Variants in MPHOSPH8 observed in about 807,000 individuals in gnomAD.
MPHOSPH8 encodes the protein M-phase phosphoprotein 8, also known as M-phase phosphoprotein, mpp.
MPHOSPH8 carries 45 observed loss-of-function variants against 87.3 expected under a neutral mutation model. The observed-to-expected ratio is 0.52, with a 90% CI of 0.41 to 0.66. MPHOSPH8 has a LOEUF of 0.66. Ranked by LOEUF, MPHOSPH8 falls within the 30% of genes least tolerant of loss-of-function variation. The pLI, the probability that MPHOSPH8 is intolerant of heterozygous loss-of-function variation, is 0.00. For synonymous variants in MPHOSPH8, 366 were observed against 376.9 expected, an observed-to-expected ratio of 0.97 and a Z score of 0.33; for missense variants, 883 against 1,020.2, an observed-to-expected ratio of 0.87 and a Z score of 1.83.
intron 11 of MPHOSPH8, 105 bp downstream of exon 11, chr13:19,668,636 A>T: frequency 8.0e-7 from 1 of 1,248,086 alleles, no homozygotes. Flanking sequence ...AGGAAATTCC[A>T]TTACGTGTAA....
At position 19,672,178 on chromosome 13, in the gene MPHOSPH8, C is replaced by G. The variant is rs529630636; in HGVS notation, c.*303C>G. The G allele has an allele frequency of 1.7e-5, 5 of 288,388 alleles. No homozygotes were observed. The highest frequency in any genetic ancestry group is 1.3e-4 in the Admixed American group (3 of 22,318). The allele number at this position is 288,388 out of a possible 1,614,324, so 17.9% of individuals were successfully genotyped here. A position where few individuals can be genotyped will look rare whatever the true frequency, so the allele number is the denominator to read the frequency against. On this transcript the variant is annotated 3_prime_UTR_variant, in exon 14 of 14. Coordinates refer to ENST00000361479, the MANE Select transcript of MPHOSPH8 (RefSeq NM_017520.4). ...TTTTTTCTGGAGACGGAGTTTCGCT[C>G]TTGTTGCCCAGGCTGGAGTGCAATG...
chr13:19,659,313 A>T (rs767167346), intron 7 of MPHOSPH8, 24 bp downstream of exon 7: 2 of 1,511,970 alleles, frequency 1.3e-6, no homozygotes, highest in East Asian at 4.5e-5. Context: ...GAAAAATCTC[A>T]TGAAAGGAAA....
At chr13:19,635,844 T>A (rs4769031) in intron 1 of MPHOSPH8, among the ~76,000 whole-genome samples, 3 of 152,162 alleles carry the variant, frequency 2.0e-5, no homozygotes, top group African/African-American at 7.2e-5. Context: ...ATAATTCCCA[T>A]GTGTCAAGGG....
chr13:19,658,239 A>G (rs1472819715), intron 5 of MPHOSPH8, among the ~76,000 whole-genome samples: 1 of 152,208 alleles, frequency 6.6e-6, no homozygotes. Flanking sequence ...CATCTGCCTA[A>G]CATCATCTAT....
chr13:19,646,534 A>G lies in MPHOSPH8; in HGVS notation c.461A>G (p.Lys154Arg), dbSNP rs765405363. The stretch of plus-strand genomic sequence containing the variant: ...GAAGATACTTCCCCAAAGAAGAAAA[A>G]GAAAAAATTGAGGCAGAGAGAAGAG... ...TKEDTSPKKK[K>R]KKLRQREEKS... Residue 154 changes from lysine (K) to arginine (R), a missense_variant, in exon 3 of 14, where the codon AAG becomes AGG. Physicochemically the swap from Lys to Arg is conservative, Grantham distance 26. Transcript: ENST00000361479. 2 of 1,574,952 alleles carry G rather than the reference A, an allele frequency of 1.3e-6. No individual in the cohort carries two copies. Among genetic ancestry groups the G allele is most frequent in the East Asian group, 2.3e-5 (1 of 44,396 alleles).
chr13:19,646,928 C>A lies in MPHOSPH8; in HGVS notation c.855C>A (p.Asp285Glu). The A allele has an allele frequency of 6.3e-7, 1 of 1,598,042 alleles. No homozygotes were observed. Among genetic ancestry groups the A allele is most frequent in the East Asian group, 2.2e-5 (1 of 44,816 alleles). Reference protein sequence around the residue: ...PEDDSEGLHSDSREEKQNTKS... With the variant: ...PEDDSEGLHSESREEKQNTKS... The stretch of plus-strand genomic sequence containing the variant: ...ATGACAGTGAAGGGCTACATTCCGA[C>A]AGCAGAGAAGAGAAACAAAACACTA... Residue 285 changes from aspartate (D) to glutamate (E), a missense_variant, in exon 3 of 14, where the codon GAC (aspartate) becomes GAA (glutamate). Around this residue, in one of 3 missense-constraint regions of MPHOSPH8, gnomAD observed 741 missense variants for 841.5 expected, o/e 0.88. Coordinates refer to ENST00000361479, the MANE Select transcript of MPHOSPH8 (RefSeq NM_017520.4).
At chr13:19,658,628 GTA>G (rs901376702) in intron 5 of MPHOSPH8, among the ~76,000 whole-genome samples, 1 of 152,216 alleles carries the variant, frequency 6.6e-6, no homozygotes, top group African/African-American at 2.4e-5. Flanking sequence ...TGGAAGCAGT[GTA>G]TGTCCAAGAA....
intron 5 of MPHOSPH8, among the ~76,000 whole-genome samples, chr13:19,658,754 A>G (rs1875345004): frequency 6.6e-6 from 1 of 152,210 alleles, no homozygotes; most frequent in African/African-American, 2.4e-5. Context: ...CTATTTTACA[A>G]TGACAGCTTA....
intron 1 of MPHOSPH8, among the ~76,000 whole-genome samples, chr13:19,640,283 TAATA>T (rs1195589947): frequency 2.6e-5 from 4 of 152,214 alleles, no homozygotes; most frequent in Admixed American, 6.5e-5. Context: ...AATGATGAAC[TAATA>T]AATGCAAAGA....
chr13:19,645,243 A>G (rs941945188), intron 2 of MPHOSPH8, among the ~76,000 whole-genome samples: 5 of 152,158 alleles, frequency 3.3e-5, no homozygotes, highest in Non-Finnish European at 5.9e-5. Context: ...CTGAGTGACC[A>G]TCCACACCAC....
chr13:19,646,906 A>C lies in MPHOSPH8; in HGVS notation c.833A>C (p.Asp278Ala). The C allele has an allele frequency of 1.2e-6, 2 of 1,603,068 alleles. No individual in the cohort carries two copies. Among genetic ancestry groups the C allele is most frequent in the African/African-American group, 2.7e-5 (2 of 74,160 alleles). The change falls in exon 3 of 14, where the codon GAC (aspartate) becomes GCC (alanine). Residue 278 changes from aspartate (D) to alanine (A), a missense_variant. By Grantham distance (126) the Asp-to-Ala change is moderately radical (BLOSUM62 -2). Transcript: ENST00000361479. ...AATGATTCTCCCTTTCCAGAGGATG[A>C]CAGTGAAGGGCTACATTCCGACAGC... ...VLNDSPFPED[D>A]SEGLHSDSRE...
At chr13:19,650,744 A>G (rs983969014) in intron 5 of MPHOSPH8, among the ~76,000 whole-genome samples, 4 of 127,272 alleles carry the variant, frequency 3.1e-5, no homozygotes, top group Non-Finnish European at 7.0e-5. Flanking sequence ...GTGTACATAC[A>G]TGTTTATAAC....
At chr13:19,670,457 T>C (rs978671790) in intron 12 of MPHOSPH8, 94 bp downstream of exon 12, 4 of 1,394,650 alleles carry the variant, frequency 2.9e-6, no homozygotes, top group African/African-American at 1.5e-5. Flanking sequence ...TAATAAAATA[T>C]AAGCATTCAG....
intron 7 of MPHOSPH8, among the ~76,000 whole-genome samples, chr13:19,660,576 G>A (rs978475400): frequency 6.6e-6 from 1 of 152,074 alleles, no homozygotes; most frequent in Non-Finnish European, 1.5e-5. Flanking sequence ...TGCATCTTCT[G>A]TCTAGGAACA....
chr13:19,666,159 C>T (rs947316834), intron 9 of MPHOSPH8, among the ~76,000 whole-genome samples: 1 of 152,164 alleles, frequency 6.6e-6, no homozygotes, highest in African/African-American at 2.4e-5. Context: ...TTGCCCATTT[C>T]CTGAAAACTC....
intron 10 of MPHOSPH8, among the ~76,000 whole-genome samples, chr13:19,667,023 G>A (rs895962192): frequency 2.0e-5 from 3 of 152,094 alleles, no homozygotes; most frequent in South Asian, 2.1e-4. Context: ...TTAGCCGGGC[G>A]TGGTGGTGGG....
At chr13:19,659,619 A>G in intron 7 of MPHOSPH8, 1 of 399,384 alleles carries the variant, frequency 2.5e-6, no homozygotes, top group South Asian at 2.1e-5. Context: ...AGTGGAGATC[A>G]CACCACTGCA....
chr13:19,666,223 G>T (rs1049770175), intron 9 of MPHOSPH8, among the ~76,000 whole-genome samples: 1 of 152,214 alleles, frequency 6.6e-6, no homozygotes, highest in Non-Finnish European at 1.5e-5. Context: ...TGGCCCCTGA[G>T]TCAAAGATAC....
At chr13:19,651,459 G>A (rs1274127156) in intron 5 of MPHOSPH8, among the ~76,000 whole-genome samples, 9 of 151,626 alleles carry the variant, frequency 5.9e-5, no homozygotes, top group Non-Finnish European at 1.2e-4. Context: ...CCTGGGAGGC[G>A]GAGGTTGCAG....
Sources: allele counts gnomAD v4.1 joint callset (sites outside exome capture counted in the v4.1 genomes callset), GRCh38; gene constraint gnomAD v4.1.1; regional missense constraint gnomAD v4.1.1; transcripts MANE v1.5; gene names NCBI Gene and HGNC (gene_info 2026-07-23, HGNC 2026-07-21).